The following GREM2 variants were observed in gnomAD, a reference collection of about 807,000 sequenced individuals.
The protein encoded by GREM2 is gremlin-2.
GREM2 carries 11 observed loss-of-function variants against 14.2 expected under a neutral mutation model. The ratio of observed to expected loss-of-function variants is 0.78; its 90% CI spans 0.49 to 1.28. GREM2 has a LOEUF of 1.28. Ranked by LOEUF, GREM2 falls within the 50% of genes most tolerant of loss-of-function variation. GREM2 has a pLI of 0.00. For synonymous variants in GREM2, 98 were observed against 97.6 expected, an observed-to-expected ratio of 1.00 and a Z score of -0.02; for missense variants, 210 against 218.5, an observed-to-expected ratio of 0.96 and a Z score of 0.24.
At chr1:240,602,247 G>A (rs924142166) in intron 1 of GREM2, among the ~76,000 whole-genome samples, 29 of 152,142 alleles carry the variant, frequency 1.9e-4, no homozygotes, top group African/African-American at 6.8e-4. Flanking sequence ...ATCATTAACA[G>A]AATTCTTTTC....
In GREM2 at chr1:240,543,500, G is replaced by A. The variant is rs750699509; in HGVS notation, c.-1-50024C>T. Reference sequence around the variant, plus strand: ...TCACTACCATGATAACAGTAGGGGGGAAACCGCCCTTGTGATTCAATTATT... The same window carrying A: ...TCACTACCATGATAACAGTAGGGGGAAAACCGCCCTTGTGATTCAATTATT... On this transcript the variant is annotated intron_variant, in intron 1 of 1. Coordinates refer to ENST00000318160, the MANE Select transcript of GREM2 (RefSeq NM_022469.4). The surrounding 1 kb of genome is among the most constrained non-coding windows in gnomAD (Gnocchi z 6.4). 2.6e-5 allele frequency among the ~76,000 whole-genome samples: 4 copies of A among 152,108 alleles called. No individual in the cohort carries two copies. Among genetic ancestry groups the A allele is most frequent in the Non-Finnish European group, 4.4e-5 (3 of 68,032 alleles).
At chr1:240,526,715 C>G (rs1041091886) in intron 1 of GREM2, among the ~76,000 whole-genome samples, 1 of 152,212 alleles carries the variant, frequency 6.6e-6, no homozygotes, top group South Asian at 2.1e-4. Context: ...TAGACAGACG[C>G]ACATTGTTCT....
chr1:240,500,858 GA>G (rs1263032431), intron 1 of GREM2, among the ~76,000 whole-genome samples: 2 of 152,144 alleles, frequency 1.3e-5, no homozygotes, highest in Non-Finnish European at 2.9e-5. Flanking sequence ...AGTTTTTCTA[GA>G]GGAGGCACCG....
intron 1 of GREM2, among the ~76,000 whole-genome samples, chr1:240,609,152 C>T (rs940084053): frequency 1.3e-5 from 2 of 152,104 alleles, no homozygotes; most frequent in Non-Finnish European, 2.9e-5. Context: ...TATACTGAAG[C>T]ATGTCAATCT....
At chr1:240,587,207 ACACT>A (rs2102861049) in intron 1 of GREM2, among the ~76,000 whole-genome samples, 1 of 152,310 alleles carries the variant, frequency 6.6e-6, no homozygotes, top group East Asian at 1.9e-4. Context: ...GTTAAAACAC[ACACT>A]GTCTATATAA....
rs916467313 is a variant in GREM2, at chr1:240,490,087, G to A, written c.*2882C>T. 1.3e-5 allele frequency: 2 copies of A among 152,346 alleles called. No individual in the cohort carries two copies. The highest frequency in any genetic ancestry group is 4.8e-5 in the African/African-American group (2 of 41,578). 9.4% of individuals were successfully genotyped at this position (152,346 alleles called of 1,614,324 possible). Reference sequence around the variant, plus strand: ...ATTAAGAAATGTTGGAACTCATGAGGAGTAAATGTGAAAATGAACAAAACT... The same window carrying A: ...ATTAAGAAATGTTGGAACTCATGAGAAGTAAATGTGAAAATGAACAAAACT... On this transcript the variant is annotated 3_prime_UTR_variant, in exon 2 of 2. Transcript: ENST00000318160.
At position 240,492,471 on chromosome 1, in the gene GREM2, C is replaced by A; in HGVS notation, c.*498G>T. 5.2e-6 allele frequency: 1 copy of A among 192,374 alleles called. No homozygotes were observed. Among genetic ancestry groups the A allele is most frequent in the Non-Finnish European group, 1.1e-5 (1 of 88,762 alleles). The allele number at this position is 192,374 out of a possible 1,614,324, so 11.9% of individuals were successfully genotyped here. A position where few individuals can be genotyped will look rare whatever the true frequency, so the allele number is the denominator to read the frequency against. ...CACAGCAGCGACCGAGGGCAGCCTGCCAGTCACAAGAATGAGCGCTCCCAG... is the reference window on the plus strand; with the variant it reads ...CACAGCAGCGACCGAGGGCAGCCTGACAGTCACAAGAATGAGCGCTCCCAG... On this transcript the variant is annotated 3_prime_UTR_variant, in exon 2 of 2. Coordinates refer to ENST00000318160, the MANE Select transcript of GREM2 (RefSeq NM_022469.4).
chr1:240,506,242 A>G (rs917087612), intron 1 of GREM2, among the ~76,000 whole-genome samples: 1 of 152,190 alleles, frequency 6.6e-6, no homozygotes, highest in South Asian at 2.1e-4. Flanking sequence ...TGTTATAAAG[A>G]AAGACCTCAG....
At chr1:240,588,685 T>C (rs1354583217) in intron 1 of GREM2, 2 of 152,210 alleles carry the variant, frequency 1.3e-5, no homozygotes, top group Non-Finnish European at 2.9e-5. Context: ...CAACTGTACC[T>C]CTACAAAATG....
intron 1 of GREM2, among the ~76,000 whole-genome samples, chr1:240,506,621 T>C (rs1468132203): frequency 6.6e-6 from 1 of 152,196 alleles, no homozygotes; most frequent in East Asian, 1.9e-4. Context: ...GGATTAAAAA[T>C]GAACACCAAT....
At chr1:240,493,503 G>T in intron 1 of GREM2, 27 bp from the exon 2 acceptor site, 2 of 1,571,190 alleles carry the variant, frequency 1.3e-6, no homozygotes, top group South Asian at 1.2e-5. Context: ...AGAGGGGCTG[G>T]CTGTGAAGGG....
chr1:240,591,040 G>T (rs111250819), intron 1 of GREM2, among the ~76,000 whole-genome samples: 1 of 150,982 alleles, frequency 6.6e-6, no homozygotes, highest in Admixed American at 6.6e-5. Flanking sequence ...TTGGCCTCCC[G>T]AAGTGCTGGG....
intron 1 of GREM2, among the ~76,000 whole-genome samples, chr1:240,508,812 C>T (rs955334736): frequency 7.2e-5 from 11 of 152,166 alleles, no homozygotes; most frequent in South Asian, 4.1e-4. Flanking sequence ...TCCAGGTCCA[C>T]GTACTTCCAG....
rs58182251 is a variant in GREM2 at position 240,601,912 on chromosome 1, C to CA, written c.-2+9971dup. Among the ~76,000 whole-genome samples, 358 of 96,100 alleles carry CA rather than the reference C, an allele frequency of 3.7e-3. 2 individuals carry two copies. Among genetic ancestry groups the CA allele is most frequent in the East Asian group, 7.0e-3 (22 of 3,146 alleles). The allele number at this position is 96,100 out of a possible 152,430, so 63.0% of individuals were successfully genotyped here. ...TGGGCGACAGAGTGAGAATCCATCT[C>CA]AAAAAAAAAAAAAAAAAAAGGATAT... On this transcript the variant is annotated intron_variant, in intron 1 of 1. Coordinates refer to ENST00000318160, the MANE Select transcript of GREM2 (RefSeq NM_022469.4).
intron 1 of GREM2, among the ~76,000 whole-genome samples, chr1:240,553,564 A>G (rs1256582743): frequency 6.6e-6 from 1 of 152,222 alleles, no homozygotes; most frequent in East Asian, 1.9e-4. Context: ...ATCATAGAGA[A>G]GCTCACACAC....
chr1:240,496,881 A>G lies in GREM2; in HGVS notation c.-1-3405T>C, dbSNP rs556741380. On this transcript the variant is annotated intron_variant, in intron 1 of 1. Coordinates refer to ENST00000318160, the MANE Select transcript of GREM2 (RefSeq NM_022469.4). ...AAAAAAATTAGCTGGGCGTGGTGGC[A>G]CACACCTGTAGTCCCAGTAGTCCCA... Among the ~76,000 whole-genome samples, 5 of 152,200 alleles carry G rather than the reference A, an allele frequency of 3.3e-5. No individual in the cohort carries two copies. In the East Asian group the frequency reaches 9.7e-4, roughly 29 times the overall value.
intron 1 of GREM2, among the ~76,000 whole-genome samples, chr1:240,561,107 G>A (rs1679027860): frequency 1.3e-5 from 2 of 152,138 alleles, no homozygotes; most frequent in African/African-American, 4.8e-5. Context: ...TGGATTTCAA[G>A]TTCCTAGAGT....
At chr1:240,583,092 TA>T (rs988279177) in intron 1 of GREM2, among the ~76,000 whole-genome samples, 3 of 152,118 alleles carry the variant, frequency 2.0e-5, no homozygotes, top group African/African-American at 4.8e-5. Context: ...GGGTGAGTCC[TA>T]AAAAAATCAT....
chr1:240,542,507 C>T lies in GREM2; in HGVS notation c.-1-49031G>A, dbSNP rs547334951. Among the ~76,000 whole-genome samples, 42 of 151,016 alleles carry T rather than the reference C, an allele frequency of 2.8e-4. No homozygotes were observed. Among genetic ancestry groups the T allele is most frequent in the East Asian group, 2.2e-3 (11 of 5,110 alleles). ...GTGCGCACCTGTAGTCCCAGCTACT[C>T]GGGAGGCTGAGGCAGGAGAATCGCT... is the stretch of plus-strand genomic sequence containing the variant. On this transcript the variant is annotated intron_variant, in intron 1 of 1. Transcript: ENST00000318160. The surrounding 1 kb of genome is among the most constrained non-coding windows in gnomAD (Gnocchi z 4.1).
Sources: gnomAD v4.1 joint callset for allele counts (sites outside exome capture counted in the v4.1 genomes callset) on GRCh38, gnomAD v4.1.1 for gene constraint, Gnocchi (gnomAD v3.1) non-coding constraint, MANE v1.5 for transcripts, NCBI Gene and HGNC (gene_info 2026-07-23, HGNC 2026-07-21) for gene names.